GPD1: variants seen among roughly 807,000 people sequenced by gnomAD.
The protein encoded by GPD1 is glycerol-3-phosphate dehydrogenase 1, also known as glycerol-3-phosphate dehydrogenase [NAD(+)], cytoplasmic.
A neutral mutation model predicts 34.4 loss-of-function variants in GPD1; 19 were observed. The observed-to-expected ratio is 0.55, with a 90% CI of 0.39 to 0.81. The LOEUF is 0.81. GPD1 is among the 30% of genes least tolerant of loss of function. The pLI, the probability that GPD1 is intolerant of heterozygous loss-of-function variation, is 0.00. For synonymous variants in GPD1, 172 were observed against 174.1 expected (o/e 0.99, Z 0.09); for missense variants, 429 against 447.0 (o/e 0.96, Z 0.36).
At chr12:50,106,053 G>C in intron 3 of GPD1, 1 of 617,198 alleles carries the variant, frequency 1.6e-6, no homozygotes, top group Non-Finnish European at 2.9e-6. Flanking sequence ...GGTTGCCTAG[G>C]GATGTGGAGG....
In GPD1 at chr12:50,106,770, C is replaced by G. The variant is rs777343980; in HGVS notation, c.500-35C>G. The G allele has an allele frequency of 3.0e-5, 35 of 1,161,808 alleles. 1 individual carries two copies. In the South Asian group the frequency reaches 4.9e-4, roughly 16 times the overall value. 72.0% of individuals were successfully genotyped at this position (1,161,808 alleles called of 1,614,324 possible). On this transcript the variant is annotated intron_variant, in intron 4 of 7. Coordinates refer to ENST00000301149, the MANE Select transcript of GPD1 (RefSeq NM_005276.4). ...AAAATAAATATTTTTTAAAAAGAGT[C>G]CTTCCCTCAAAGCCTTGCCCCCTCC...
intron 2 of GPD1, 27 bp downstream of exon 2, chr12:50,104,778 AG>A (rs764376749): frequency 3.1e-5 from 49 of 1,586,570 alleles, no homozygotes; most frequent in Non-Finnish European, 4.0e-5. Context: ...TGCGAAGAAC[AG>A]GGAGAGGAAG....
chr12:50,104,392 C>T, intron 1 of GPD1, 182 bp from the exon 2 acceptor site: 1 of 713,542 alleles, frequency 1.4e-6, no homozygotes, highest in Admixed American at 2.0e-5. Context: ...GGTGAGGAGA[C>T]TGAGTCTCCT....
In GPD1 at chr12:50,106,315, A is replaced by C; in HGVS notation, c.388A>C (p.Lys130Gln). 1 of 1,613,230 alleles carries C rather than the reference A, an allele frequency of 6.2e-7. No homozygotes were observed. Among genetic ancestry groups the C allele is most frequent in the Admixed American group, 1.7e-5 (1 of 59,714 alleles). Residue 130 changes from lysine (K) to glutamine (Q), a missense_variant, in exon 4 of 8, where the codon AAG becomes CAG. Transcript: ENST00000301149. ...GGTAGACGAGGGCCCCAATGGGCTG[A>C]AGCTCATCTCGGAAGTGATTGGGGA... is the stretch of plus-strand genomic sequence containing the variant. ...KGVDEGPNGL[K>Q]LISEVIGERL... is the part of the protein sequence containing the mutation.
rs780431501 is a variant in GPD1 at position 50,110,448 on chromosome 12, G to C, written c.*929G>C. 7.8e-5 allele frequency: 12 copies of C among 153,030 alleles called. No individual in the cohort carries two copies. The highest frequency in any genetic ancestry group is 1.6e-4 in the Non-Finnish European group (11 of 68,330). 9.5% of individuals were successfully genotyped at this position (153,030 alleles called of 1,614,324 possible). A position where few individuals can be genotyped will look rare whatever the true frequency, so the allele number is the denominator to read the frequency against. ...GTAGCTCTAGCTGGGGGAGGTGTCAGCTGGGCCCCTCCTGTGCTATCTCCC... is the reference window on the plus strand; with the variant it reads ...GTAGCTCTAGCTGGGGGAGGTGTCACCTGGGCCCCTCCTGTGCTATCTCCC... On this transcript the variant is annotated 3_prime_UTR_variant, in exon 8 of 8. Coordinates refer to ENST00000301149, the MANE Select transcript of GPD1 (RefSeq NM_005276.4).
chr12:50,106,961 C>A (rs747924284), intron 5 of GPD1, 44 bp downstream of exon 5: 3 of 1,197,174 alleles, frequency 2.5e-6, no homozygotes, highest in Non-Finnish European at 3.7e-6. Flanking sequence ...GAGAAGGCCC[C>A]AAAGGAGGTC....
At chr12:50,104,857 C>T in intron 2 of GPD1, 106 bp downstream of exon 2, 2 of 903,562 alleles carry the variant, frequency 2.2e-6, no homozygotes, top group Non-Finnish European at 3.5e-6. Context: ...GCTTCAGGTG[C>T]AGCAGGACTT....
Position 50,109,608 on chromosome 12 carries a change from C to G in GPD1, c.*89C>G, listed in dbSNP as rs1951008403. 1 of 738,874 alleles carries G rather than the reference C, an allele frequency of 1.4e-6. No individual in the cohort carries two copies. The highest frequency in any genetic ancestry group is 1.4e-5 in the South Asian group (1 of 69,550). The allele number at this position is 738,874 out of a possible 1,614,324, so 45.8% of individuals were successfully genotyped here. A position where few individuals can be genotyped will look rare whatever the true frequency, so the allele number is the denominator to read the frequency against. ...TACCTAGTCACCAGGATCTCCAGGA[C>G]TCCCAGGGAGCAGAGTCTTCTCATC... On this transcript the variant is annotated 3_prime_UTR_variant, in exon 8 of 8. Coordinates refer to ENST00000301149, the MANE Select transcript of GPD1 (RefSeq NM_005276.4).
In GPD1 at chr12:50,105,740, G is replaced by T. The variant is rs1950973570; in HGVS notation, c.360+52G>T. The T allele has an allele frequency of 2.5e-6, 4 of 1,581,614 alleles. No individual in the cohort carries two copies. In the East Asian group the frequency reaches 6.7e-5, roughly 27 times the overall value. On this transcript the variant is annotated intron_variant, in intron 3 of 7. Coordinates refer to ENST00000301149, the MANE Select transcript of GPD1 (RefSeq NM_005276.4). ...GGGGAGGGTGCGGCTCACTGTTGTG[G>T]GGTTCAGGGTGGGTGAAGCAAGGAG...
At position 50,105,535 on chromosome 12, in the gene GPD1, G is replaced by A. The variant is rs200773155; in HGVS notation, c.220-13G>A. 3 of 1,607,804 alleles carry A rather than the reference G, an allele frequency of 1.9e-6. No homozygotes were observed. The highest frequency in any genetic ancestry group is 4.5e-5 in the East Asian group (2 of 44,728). ...GGTCTGCCAGGCCCGCGAGCACTTG[G>A]TCACCCCCACAGGTGGCTGTCCCAG... On this transcript the variant is annotated splice_polypyrimidine_tract_variant and intron_variant, in intron 2 of 7. Transcript: ENST00000301149.
intron 6 of GPD1, 61 bp from the exon 7 acceptor site, chr12:50,107,963 C>G: frequency 9.6e-6 from 11 of 1,148,496 alleles, no homozygotes; most frequent in Non-Finnish European, 1.2e-5. Context: ...TCCAGTCTCT[C>G]CACCCCCTAC....
chr12:50,104,809 C>T lies in GPD1; in HGVS notation c.219+58C>T, dbSNP rs1950967365. 4.1e-6 allele frequency: 6 copies of T among 1,469,710 alleles called. No homozygotes were observed. The South Asian group carries it at 7.2e-5, about 18-fold the overall frequency. The allele number at this position is 1,469,710 out of a possible 1,614,324, so 91.0% of individuals were successfully genotyped here. A position where few individuals can be genotyped will look rare whatever the true frequency, so the allele number is the denominator to read the frequency against. On this transcript the variant is annotated intron_variant, in intron 2 of 7. Coordinates refer to ENST00000301149, the MANE Select transcript of GPD1 (RefSeq NM_005276.4). ...AGGAAGGGAGGGCCAGGAGTTGGAGCCGACCTTACTCAACAGGTGCCTCCT... is the reference window on the plus strand; with the variant it reads ...AGGAAGGGAGGGCCAGGAGTTGGAGTCGACCTTACTCAACAGGTGCCTCCT...
chr12:50,104,418 A>G, intron 1 of GPD1, 156 bp from the exon 2 acceptor site: 1 of 726,198 alleles, frequency 1.4e-6, no homozygotes, highest in East Asian at 2.7e-5. Flanking sequence ...CTGCCAGGTC[A>G]CTGGGGACTA....
At position 50,107,663 on chromosome 12, in the gene GPD1, G is replaced by A. The variant is rs868764517; in HGVS notation, c.709G>A (p.Ala237Thr). The change falls in exon 6 of 8, where the codon GCC becomes ACC. Residue 237 changes from alanine to threonine, a missense_variant. Physicochemically the swap from Ala to Thr is moderately conservative, Grantham distance 58 (BLOSUM62 0). Transcript: ENST00000301149. ...VIRLGLMEMI[A>T]FAKLFCSGPV... is the part of the protein sequence containing the mutation. ...CCGGCTGGGACTCATGGAGATGATAGCCTTCGCCAAGCTCTTCTGCAGTGG... is the reference window on the plus strand; with the variant it reads ...CCGGCTGGGACTCATGGAGATGATAACCTTCGCCAAGCTCTTCTGCAGTGG... The A allele has an allele frequency of 1.2e-6, 2 of 1,613,982 alleles. No homozygotes were observed. The highest frequency in any genetic ancestry group is 3.3e-5 in the Admixed American group (2 of 60,010).
chr12:50,109,515 T>C lies in GPD1; in HGVS notation c.1046T>C (p.Met349Thr). Residue 349 changes from methionine to threonine, a missense_variant, in exon 8 of 8, where the codon ATG becomes ACG. Coordinates refer to ENST00000301149, the MANE Select transcript of GPD1 (RefSeq NM_005276.4). Reference sequence around the variant, plus strand: ...TGCCTGCAGAATCATCCAGAACATATGTGAGTGGGGCCAGGGCCCAGGCCA... The same window carrying C: ...TGCCTGCAGAATCATCCAGAACATACGTGAGTGGGGCCAGGGCCCAGGCCA... ...IHCLQNHPEH[M>T] is the part of the protein sequence containing the mutation. 3.3e-6 allele frequency: 5 copies of C among 1,520,124 alleles called. No individual in the cohort carries two copies. The highest frequency in any genetic ancestry group is 3.7e-6 in the Non-Finnish European group (4 of 1,093,840). The allele number at this position is 1,520,124 out of a possible 1,614,324, so 94.2% of individuals were successfully genotyped here. A position where few individuals can be genotyped will look rare whatever the true frequency, so the allele number is the denominator to read the frequency against.
Position 50,107,406 on chromosome 12 carries a change from C to T in GPD1, c.613-161C>T, listed in dbSNP as rs1438266362. 1.2e-5 allele frequency: 9 copies of T among 735,748 alleles called. 1 individual carries two copies. The South Asian group carries it at 1.3e-4, about 10-fold the overall frequency. The allele number at this position is 735,748 out of a possible 1,614,324, so 45.6% of individuals were successfully genotyped here. On this transcript the variant is annotated intron_variant, in intron 5 of 7. Coordinates refer to ENST00000301149, the MANE Select transcript of GPD1 (RefSeq NM_005276.4). The stretch of plus-strand genomic sequence containing the variant: ...GCAGGGCTTAAGAAAGGGGGTGCAG[C>T]AAGGGGGGAAACCAAGAGGCGGAAG...
intron 2 of GPD1, 178 bp from the exon 3 acceptor site, chr12:50,105,370 T>TG (rs1261788297): frequency 1.6e-6 from 1 of 625,904 alleles, no homozygotes. Flanking sequence ...GAGTGGTAGC[T>TG]GGGGGGAGGG....
intron 2 of GPD1, 43 bp downstream of exon 2, chr12:50,104,794 G>C (rs774579894): frequency 1.3e-6 from 2 of 1,563,606 alleles, no homozygotes; most frequent in East Asian, 2.2e-5. Context: ...AGGAAGGGAG[G>C]GCCAGGAGTT....
intron 2 of GPD1, 99 bp from the exon 3 acceptor site, chr12:50,105,449 C>A: frequency 7.9e-7 from 1 of 1,271,198 alleles, no homozygotes; most frequent in Non-Finnish European, 1.1e-6. Flanking sequence ...TCCTGCTCCC[C>A]TACCAGCCTC....
Sources: gnomAD v4.1 joint callset for allele counts on GRCh38, gnomAD v4.1.1 for gene constraint, MANE v1.5 for transcripts, NCBI Gene and HGNC (gene_info 2026-07-23, HGNC 2026-07-21) for gene names.